BRWD1: variants seen among roughly 807,000 people sequenced by gnomAD.
The protein encoded by BRWD1 is bromodomain and WD repeat domain containing 1.
A neutral mutation model predicts 251.2 loss-of-function variants in BRWD1; 82 were observed. The ratio of observed to expected loss-of-function variants is 0.33; its 90% CI spans 0.27 to 0.39. The LOEUF is 0.39. BRWD1 is among the 10% of genes least tolerant of loss of function. The pLI is 1.00. For missense variants in BRWD1, 2,233 were observed against 2,711.6 expected, an observed-to-expected ratio of 0.82 and a Z score of 3.92; for synonymous variants, 918 against 902.8, an observed-to-expected ratio of 1.02 and a Z score of -0.30.
intron 32 of BRWD1, 143 bp downstream of exon 32, chr21:39,215,094 G>T: frequency 2.8e-6 from 2 of 706,888 alleles, no homozygotes; most frequent in Non-Finnish European, 4.6e-6. Context: ...GGTCTCAAAT[G>T]CCTGACCGCA....
chr21:39,203,097 G>A (rs973909787), intron 37 of BRWD1, among the ~76,000 whole-genome samples: 1 of 152,216 alleles, frequency 6.6e-6, no homozygotes, highest in Non-Finnish European at 1.5e-5. Flanking sequence ...TGAGAAAGGA[G>A]AATGGAAGTT....
At chr21:39,314,341 C>A (rs572941463), upstream of BRWD1, 1 of 455,886 alleles carries the variant, frequency 2.2e-6, no homozygotes, top group South Asian at 1.5e-5. Context: ...TAAAATGCAG[C>A]GCTTCGCCGA....
At chr21:39,300,996 G>GTAAAA (rs2036094983) in intron 4 of BRWD1, among the ~76,000 whole-genome samples, 1 of 152,150 alleles carries the variant, frequency 6.6e-6, no homozygotes. Flanking sequence ...GGCTAACACG[G>GTAAAA]TAAAACCCTG....
At chr21:39,242,607 T>G (rs2034042179) in intron 21 of BRWD1, among the ~76,000 whole-genome samples, 1 of 152,220 alleles carries the variant, frequency 6.6e-6, no homozygotes, top group South Asian at 2.1e-4. Context: ...AGCCTTCTAT[T>G]GGAAGAGGAT....
At chr21:39,248,930 T>C (rs935873067) in intron 20 of BRWD1, among the ~76,000 whole-genome samples, 3 of 152,150 alleles carry the variant, frequency 2.0e-5, no homozygotes, top group Non-Finnish European at 2.9e-5. Flanking sequence ...ACTGCAGCAC[T>C]ATTCACAATA....
rs1425132061 is a variant in BRWD1 at position 39,186,265 on chromosome 21, A to G, written c.*9994T>C. The G allele has an allele frequency of 6.6e-6, 1 of 152,232 alleles. No individual in the cohort carries two copies. Among genetic ancestry groups the G allele is most frequent in the Non-Finnish European group, 1.5e-5 (1 of 68,026 alleles). 9.4% of individuals were successfully genotyped at this position (152,232 alleles called of 1,614,324 possible). On this transcript the variant is annotated 3_prime_UTR_variant, in exon 41 of 41. Transcript: ENST00000342449. Reference sequence around the variant, plus strand: ...TGCTACATACAAGTAAAAATAAGGAAAAGCCGTGATAGTAACATTCATAGC... The same window carrying G: ...TGCTACATACAAGTAAAAATAAGGAGAAGCCGTGATAGTAACATTCATAGC...
chr21:39,225,055 G>C (rs758499758), intron 28 of BRWD1, 31 bp downstream of exon 28: 5 of 1,409,276 alleles, frequency 3.5e-6, no homozygotes, highest in Admixed American at 3.4e-5. Flanking sequence ...TGAATTACTG[G>C]GAAATGATTA....
In BRWD1 at chr21:39,195,119, T is replaced by G. The variant is rs1307300974; in HGVS notation, c.*1140A>C. On this transcript the variant is annotated 3_prime_UTR_variant, in exon 41 of 41. Coordinates refer to ENST00000342449, the MANE Select transcript of BRWD1 (RefSeq NM_033656.4). ...TTTTCCCACAAAACATGACAGTTTC[T>G]TATATTTGGACTAGAAGTCACTAAT... The G allele has an allele frequency of 8.5e-6, 10 of 1,170,050 alleles. No homozygotes were observed. The East Asian group carries it at 5.2e-4, about 61-fold the overall frequency. 72.5% of individuals were successfully genotyped at this position (1,170,050 alleles called of 1,614,324 possible).
At chr21:39,206,730 T>G (rs1433772847) in intron 36 of BRWD1, among the ~76,000 whole-genome samples, 1 of 152,228 alleles carries the variant, frequency 6.6e-6, no homozygotes, top group African/African-American at 2.4e-5. Flanking sequence ...CAATGCCACC[T>G]AATTCTAAAA....
intron 2 of BRWD1, 36 bp downstream of exon 2, chr21:39,313,205 C>G: frequency 6.6e-7 from 1 of 1,521,306 alleles, no homozygotes; most frequent in Non-Finnish European, 8.9e-7. Context: ...ACACTGGGGA[C>G]GCCAAGTCCG....
chr21:39,236,268 C>T (rs969988594), intron 23 of BRWD1, among the ~76,000 whole-genome samples: 1 of 152,148 alleles, frequency 6.6e-6, no homozygotes, highest in Non-Finnish European at 1.5e-5. Flanking sequence ...TGCCCCCACC[C>T]ATCCCTCCAA....
At chr21:39,216,719 T>TAA (rs1244226462) in intron 31 of BRWD1, 1 of 422,756 alleles carries the variant, frequency 2.4e-6, no homozygotes, top group East Asian at 7.0e-5. Context: ...TGGACTGTGT[T>TAA]AAAGACTTCA....
intron 10 of BRWD1, 98 bp from the exon 11 acceptor site, chr21:39,277,449 C>T (rs1375017899): frequency 1.3e-6 from 1 of 742,376 alleles, no homozygotes; most frequent in Non-Finnish European, 2.0e-6. Context: ...AGATCATTTA[C>T]CCTAAAACTA....
intron 18 of BRWD1, among the ~76,000 whole-genome samples, chr21:39,256,396 T>G (rs1181516363): frequency 6.6e-6 from 1 of 152,202 alleles, no homozygotes; most frequent in African/African-American, 2.4e-5. Context: ...TCTCAAGAGA[T>G]AATCTGAGCC....
At chr21:39,239,381 G>A (rs4818007) in intron 21 of BRWD1, among the ~76,000 whole-genome samples, 141,062 of 152,226 alleles carry the variant, frequency 0.93, 65,705 homozygotes, top group African/African-American at 0.97. Context: ...CTGGTGTCTA[G>A]GATTTATTTT....
At chr21:39,282,019 CGTCTATGTATAA>C (rs902735795) in intron 8 of BRWD1, among the ~76,000 whole-genome samples, 7 of 151,096 alleles carry the variant, frequency 4.6e-5, no homozygotes, top group Admixed American at 1.3e-4. Context: ...TCAACATATA[CGTCTATGTATAA>C]GTATATGTAT....
In BRWD1 at chr21:39,189,813, A is replaced by G. The variant is rs2031451470; in HGVS notation, c.*6446T>C. The G allele has an allele frequency of 2.2e-5, 22 of 985,342 alleles. No individual in the cohort carries two copies. Among genetic ancestry groups the G allele is most frequent in the Non-Finnish European group, 2.7e-5 (22 of 829,894 alleles). 61.0% of individuals were successfully genotyped at this position (985,342 alleles called of 1,614,324 possible). On this transcript the variant is annotated 3_prime_UTR_variant, in exon 41 of 41. Transcript: ENST00000342449. Reference sequence around the variant, plus strand: ...AGGATATTTCAGGGTTAGAAGTCAAATTTGTGTGTTAGGGTACAAGCTTAA... The same window carrying G: ...AGGATATTTCAGGGTTAGAAGTCAAGTTTGTGTGTTAGGGTACAAGCTTAA...
chr21:39,313,340 G>C, intron 1 of BRWD1, 41 bp from the exon 2 acceptor site: 1 of 1,511,032 alleles, frequency 6.6e-7, no homozygotes, highest in Non-Finnish European at 8.9e-7. Context: ...CCGGCGGGGA[G>C]GGGAGGGGGA....
At chr21:39,247,657 T>G in intron 21 of BRWD1, 44 bp downstream of exon 21, 1 of 1,553,610 alleles carries the variant, frequency 6.4e-7, no homozygotes, top group Non-Finnish European at 8.7e-7. Flanking sequence ...TTAAGCCAAA[T>G]TCATTTAAGA....
Sources: gnomAD v4.1 joint callset for allele counts (sites outside exome capture counted in the v4.1 genomes callset) on GRCh38, gnomAD v4.1.1 for gene constraint, MANE v1.5 for transcripts, NCBI Gene and HGNC (gene_info 2026-07-23, HGNC 2026-07-21) for gene names.